The following PHACTR1 variants were observed in gnomAD, a reference collection of about 807,000 sequenced individuals.
The protein encoded by PHACTR1 is RPEL repeat containing 1.
PHACTR1 carries 16 observed loss-of-function variants against 69.2 expected under a neutral mutation model. The ratio of observed to expected loss-of-function variants is 0.23; its 90% CI spans 0.16 to 0.35. PHACTR1 has a LOEUF of 0.35. PHACTR1 is among the 10% of genes least tolerant of loss of function. PHACTR1 has a pLI of 1.00. For synonymous variants in PHACTR1, 312 were observed against 284.5 expected (o/e 1.10, Z -0.97); for missense variants, 510 against 734.7 (o/e 0.69, Z 3.54).
At chr6:12,843,399 T>C (rs1291068846) in intron 4 of PHACTR1, among the ~76,000 whole-genome samples, 2 of 151,992 alleles carry the variant, frequency 1.3e-5, no homozygotes, top group Admixed American at 1.3e-4. Flanking sequence ...TGTAGAAGCT[T>C]GAAGGCTGGG....
At chr6:13,187,321 A>G (rs192352434) in intron 7 of PHACTR1, among the ~76,000 whole-genome samples, 27 of 152,346 alleles carry the variant, frequency 1.8e-4, no homozygotes, top group Non-Finnish European at 4.4e-5. Flanking sequence ...ATGCAGTCTG[A>G]TAAAGAGAAG....
chr6:13,101,937 TCCCTACAGCATG>T lies in PHACTR1; in HGVS notation c.415+48410_415+48421del, dbSNP rs555485628. 5.6e-4 allele frequency among the ~76,000 whole-genome samples: 86 copies of T among 152,224 alleles called. 1 individual carries two copies. The South Asian group carries it at 0.017, about 30-fold the overall frequency. ...AGCCAGATGCATAGAATACTGGGTT[TCCCTACAGCATG>T]CTTGCTGCTCAAGGGTTAATACCAC... is the stretch of plus-strand genomic sequence containing the variant. On this transcript the variant is annotated intron_variant, in intron 5 of 14. Transcript: ENST00000332995.
chr6:13,180,585 A>G (rs1173746913), intron 6 of PHACTR1, among the ~76,000 whole-genome samples: 1 of 152,238 alleles, frequency 6.6e-6, no homozygotes, highest in East Asian at 1.9e-4. Context: ...ACTTGGCAAG[A>G]GCCCTGAGAC....
intron 5 of PHACTR1, among the ~76,000 whole-genome samples, chr6:13,075,334 A>C (rs970339142): frequency 2.1e-4 from 32 of 152,170 alleles, no homozygotes; most frequent in African/African-American, 7.7e-4. Context: ...GAACAAATCC[A>C]GGATTTGAAC....
intron 4 of PHACTR1, among the ~76,000 whole-genome samples, chr6:12,995,120 C>A (rs182022611): frequency 9.9e-5 from 15 of 151,808 alleles, no homozygotes; most frequent in Admixed American, 9.8e-4. Flanking sequence ...GGATTACAGA[C>A]AAGGTAGAAC....
chr6:13,117,447 G>A (rs1005820384), intron 5 of PHACTR1, among the ~76,000 whole-genome samples: 2 of 152,120 alleles, frequency 1.3e-5, no homozygotes, highest in African/African-American at 4.8e-5. Context: ...CTATTAATAA[G>A]GGGCATGAAA....
intron 4 of PHACTR1, among the ~76,000 whole-genome samples, chr6:13,013,178 G>A (rs1440254171): frequency 6.6e-6 from 1 of 152,240 alleles, no homozygotes; most frequent in East Asian, 1.9e-4. Flanking sequence ...GGCCAAATTA[G>A]CTGACAATCC....
Position 13,287,053 on chromosome 6 carries a change from G to C in PHACTR1, c.1728-10G>C. 6.2e-7 allele frequency: 1 copy of C among 1,607,440 alleles called. No homozygotes were observed. Among genetic ancestry groups the C allele is most frequent in the Non-Finnish European group, 8.5e-7 (1 of 1,176,722 alleles). ...CCCCTTGGTCTTGATGTAATTGTTT[G>C]TTTCCTTAGGTTTCACCGACCTTAA... On this transcript the variant is annotated splice_polypyrimidine_tract_variant and intron_variant, in intron 14 of 14. Coordinates refer to ENST00000332995, the MANE Select transcript of PHACTR1 (RefSeq NM_030948.6).
chr6:12,737,097 G>T (rs1581503291), intron 3 of PHACTR1, among the ~76,000 whole-genome samples: 1 of 151,802 alleles, frequency 6.6e-6, no homozygotes, highest in East Asian at 1.9e-4. Context: ...GTGTCATTAG[G>T]CAATTTTGTC....
chr6:13,165,201 A>C (rs2113586812), intron 6 of PHACTR1, among the ~76,000 whole-genome samples: 1 of 152,330 alleles, frequency 6.6e-6, no homozygotes, highest in South Asian at 2.1e-4. Flanking sequence ...TGATTGTTTT[A>C]TAAAGAACAC....
In PHACTR1 at chr6:12,957,275, A is replaced by T. The variant is rs1313506785; in HGVS notation, c.251-96090A>T. The T allele has an allele frequency of 4.0e-6, 3 of 752,352 alleles. No individual in the cohort carries two copies. The African/African-American group carries it at 6.2e-5, about 16-fold the overall frequency. The allele number at this position is 752,352 out of a possible 1,614,324, so 46.6% of individuals were successfully genotyped here. A position where few individuals can be genotyped will look rare whatever the true frequency, so the allele number is the denominator to read the frequency against. Reference sequence around the variant, plus strand: ...ATACTCAAAAAAAAAAAAAAAAAAAAGCCCAGGCTGTGAGTTCCAGACTTC... The same window carrying T: ...ATACTCAAAAAAAAAAAAAAAAAAATGCCCAGGCTGTGAGTTCCAGACTTC... On this transcript the variant is annotated intron_variant, in intron 4 of 14. Transcript: ENST00000332995.
At chr6:12,737,644 GAA>G (rs1764467550) in intron 3 of PHACTR1, among the ~76,000 whole-genome samples, 1 of 150,626 alleles carries the variant, frequency 6.6e-6, no homozygotes, top group Non-Finnish European at 1.5e-5. Context: ...ACTCAGGCTG[GAA>G]TGCAGTGGTA....
intron 4 of PHACTR1, among the ~76,000 whole-genome samples, chr6:12,977,249 G>A (rs561596631): frequency 6.6e-6 from 1 of 152,100 alleles, no homozygotes; most frequent in Non-Finnish European, 1.5e-5. Flanking sequence ...ACCGCGCCTG[G>A]CCAAAAATGA....
At chr6:12,856,255 C>CTTTCT (rs367993168) in intron 4 of PHACTR1, among the ~76,000 whole-genome samples, 28 of 135,808 alleles carry the variant, frequency 2.1e-4, no homozygotes, top group Middle Eastern at 3.6e-3. Flanking sequence ...TTCTTTCTTT[C>CTTTCT]TTTTTTTTTT....
chr6:12,917,574 G>A (rs1476095522), intron 4 of PHACTR1, among the ~76,000 whole-genome samples: 1 of 152,120 alleles, frequency 6.6e-6, no homozygotes, highest in East Asian at 1.9e-4. Context: ...GCAACAAAAT[G>A]AGGCCCTGTC....
At chr6:13,104,819 G>A (rs965382891) in intron 5 of PHACTR1, among the ~76,000 whole-genome samples, 1 of 152,170 alleles carries the variant, frequency 6.6e-6, no homozygotes, top group Non-Finnish European at 1.5e-5. Context: ...GCTATGCAAA[G>A]ATAAACCAAA....
intron 6 of PHACTR1, among the ~76,000 whole-genome samples, chr6:13,177,237 C>T (rs992451568): frequency 2.1e-5 from 3 of 145,132 alleles, no homozygotes; most frequent in African/African-American, 7.8e-5. Flanking sequence ...GTAGTCCCAG[C>T]TACTTGGGAG....
chr6:13,282,961 C>T (rs1780619440), intron 12 of PHACTR1, among the ~76,000 whole-genome samples: 1 of 152,046 alleles, frequency 6.6e-6, no homozygotes, highest in Non-Finnish European at 1.5e-5. Context: ...GCTTTGAAGT[C>T]CTAATCTTTA....
At chr6:12,729,763 T>C (rs1763252780) in intron 3 of PHACTR1, among the ~76,000 whole-genome samples, 1 of 152,172 alleles carries the variant, frequency 6.6e-6, no homozygotes, top group Admixed American at 6.5e-5. Context: ...AGGAGGCTAT[T>C]GCAGTGACTC....
Sources: allele counts gnomAD v4.1 joint callset (sites outside exome capture counted in the v4.1 genomes callset), GRCh38; gene constraint gnomAD v4.1.1; transcripts MANE v1.5; gene names NCBI Gene and HGNC (gene_info 2026-07-23, HGNC 2026-07-21).